The following CDC25B variants were observed in gnomAD, a reference collection of about 807,000 sequenced individuals.
CDC25B encodes the protein cell division cycle 25B, also known as M-phase inducer phosphatase 2.
Under a neutral mutation model 69.8 loss-of-function variants are expected in CDC25B, and 33 were observed. The observed-to-expected ratio is 0.47, with a 90% CI of 0.36 to 0.63. The LOEUF (loss-of-function observed/expected upper bound fraction) is 0.63, where lower values mean the gene tolerates loss of function less well. Among genes scored for constraint, CDC25B ranks in the 30% least tolerant of loss-of-function variants. The probability of loss-of-function intolerance (pLI) is 0.00; values close to 1 mark genes in which losing one functional copy is unlikely to be tolerated. For synonymous variants in CDC25B, 341 were observed against 314.6 expected, an observed-to-expected ratio of 1.08 and a Z score of -0.89; for missense variants, 727 against 809.1, an observed-to-expected ratio of 0.90 and a Z score of 1.23.
At chr20:3,795,647 C>T (rs2089009053), upstream of CDC25B, 1 of 928,486 alleles carries the variant, frequency 1.1e-6, no homozygotes. Context: ...AACATCTAAC[C>T]TGGGGTCCCG....
chr20:3,787,246 C>T, intron 1 of CDC25B: 1 of 528,948 alleles, frequency 1.9e-6, no homozygotes, highest in African/African-American at 2.0e-5. Context: ...GACTGTATAT[C>T]TGGCATCTCC....
At position 3,801,342 on chromosome 20, in the gene CDC25B, C is replaced by T; in HGVS notation, c.794C>T (p.Thr265Ile). 1 of 1,614,052 alleles carries T rather than the reference C, an allele frequency of 6.2e-7. No individual in the cohort carries two copies. The highest frequency in any genetic ancestry group is 8.5e-7 in the Non-Finnish European group (1 of 1,179,962). ...RFSLTPAEGD[T>I]EEDDGFVDIL... ...TCTCTGACCCCTGCAGAGGGGGATA[C>T]TGAGGAAGATGATGGATTTGTGGAC... is the stretch of plus-strand genomic sequence containing the variant. Residue 265 changes from threonine (T) to isoleucine (I), a missense_variant, in exon 8 of 16, where the codon ACT (threonine) becomes ATT (isoleucine). Physicochemically the swap from Thr to Ile is moderately conservative, Grantham distance 89. Coordinates refer to ENST00000245960, the MANE Select transcript of CDC25B (RefSeq NM_021873.4).
upstream of CDC25B, chr20:3,796,000 G>C: frequency 1.0e-6 from 1 of 989,762 alleles, no homozygotes. Flanking sequence ...ACATGCCGCG[G>C]GGGGTCCTGC....
At chr20:3,796,852 G>A in intron 1 of CDC25B, 121 bp downstream of exon 1, 4 of 1,302,126 alleles carry the variant, frequency 3.1e-6, no homozygotes, top group Non-Finnish European at 4.1e-6. Flanking sequence ...GGCATCCTGA[G>A]CAGTGGAGAG....
rs571131873 is a variant in CDC25B at position 3,790,023 on chromosome 20, G to T, written c.8+2884G>T. Among the ~76,000 whole-genome samples, 16 of 151,980 alleles carry T rather than the reference G, an allele frequency of 1.1e-4. No homozygotes were observed. The South Asian group carries it at 2.9e-3, about 28-fold the overall frequency. On this transcript the variant is annotated intron_variant, in intron 1 of 15. Transcript: ENST00000344256. The stretch of plus-strand genomic sequence containing the variant: ...AAAAATTAGCTAGGCATAGTGCCTT[G>T]CGCCTGTAGTCCTAGCTCCTAGGGA...
chr20:3,803,221 TG>T lies in CDC25B; in HGVS notation c.1356+19del. 1 of 1,599,978 alleles carries T rather than the reference TG, an allele frequency of 6.3e-7. No homozygotes were observed. The highest frequency in any genetic ancestry group is 8.6e-7 in the Non-Finnish European group (1 of 1,167,900). ...GGCACATCAAGGTAAGATGGGGCAA[TG>T]GGGAGAGGCCCTGAAGATCCCACCT... On this transcript the variant is annotated intron_variant, in intron 13 of 15. Coordinates refer to ENST00000245960, the MANE Select transcript of CDC25B (RefSeq NM_021873.4). This position sits in a 1 kb window ranked among gnomAD's most constrained non-coding sequence, Gnocchi z 4.9.
At position 3,802,376 on chromosome 20, in the gene CDC25B, G is replaced by C; in HGVS notation, c.1194G>C (p.Lys398Asn). The change falls in exon 11 of 16, where the codon AAG becomes AAC. Residue 398 changes from lysine to asparagine, a missense_variant and splice_region_variant. Transcript: ENST00000245960. The part of the protein sequence containing the change: ...DHRELIGDYS[K>N]AFLLQTVDGK... ...GAGAGCTGATTGGAGATTACTCTAA[G>C]GTACCTGCAGCAGCGAAGGGGGTAC... 1 of 1,603,372 alleles carries C rather than the reference G, an allele frequency of 6.2e-7. No homozygotes were observed. Among genetic ancestry groups the C allele is most frequent in the Non-Finnish European group, 8.5e-7 (1 of 1,177,004 alleles).
upstream of CDC25B, among the ~76,000 whole-genome samples, chr20:3,793,124 C>A (rs73588734): frequency 0.028 from 4,224 of 152,164 alleles, 193 homozygotes; most frequent in African/African-American, 0.096. Context: ...TTTCATGTTT[C>A]TTTTTTACTG....
intron 1 of CDC25B, among the ~76,000 whole-genome samples, chr20:3,789,191 A>T (rs79514612): frequency 0.046 from 6,937 of 152,288 alleles, 223 homozygotes; most frequent in Non-Finnish European, 0.071. Context: ...CTTTTGGTCC[A>T]GCCTGCCCAG....
rs1415929856 is a variant in CDC25B, at chr20:3,805,576, C to T, written c.*615C>T. On this transcript the variant is annotated 3_prime_UTR_variant, in exon 16 of 16. Transcript: ENST00000245960. ...TGCTTGGTCTGTTTGACTTTACGCCCATCTCAGGACACTTCCGTAGACTGT... is the reference window on the plus strand; with the variant it reads ...TGCTTGGTCTGTTTGACTTTACGCCTATCTCAGGACACTTCCGTAGACTGT... 6 of 395,622 alleles carry T rather than the reference C, an allele frequency of 1.5e-5. No homozygotes were observed. The highest frequency in any genetic ancestry group is 2.7e-5 in the Non-Finnish European group (6 of 224,626). The allele number at this position is 395,622 out of a possible 1,614,324, so 24.5% of individuals were successfully genotyped here. A position where few individuals can be genotyped will look rare whatever the true frequency, so the allele number is the denominator to read the frequency against.
In CDC25B at chr20:3,796,542, C is replaced by T. The variant is rs749466511; in HGVS notation, c.11C>T (p.Pro4Leu). The stretch of plus-strand genomic sequence containing the variant: ...GCCGGCCCCGCCGCGATGGAGGTGC[C>T]CCAGCCGGAGCCCGCGCCAGGCTCG... Reference protein sequence around the residue: MEVPQPEPAPGSAL... With the variant: MEVLQPEPAPGSAL... Residue 4 changes from proline to leucine, a missense_variant, in exon 1 of 16, where the codon CCC becomes CTC. This residue lies in a region of CDC25B where 368 missense variants were observed against 345.6 expected (regional missense o/e 1.06). Transcript: ENST00000245960. 11 of 1,484,948 alleles carry T rather than the reference C, an allele frequency of 7.4e-6. No homozygotes were observed. The South Asian group carries it at 1.3e-4, about 17-fold the overall frequency. The allele number at this position is 1,484,948 out of a possible 1,614,324, so 92.0% of individuals were successfully genotyped here.
intron 3 of CDC25B, 88 bp downstream of exon 3, chr20:3,798,551 T>C: frequency 9.1e-7 from 1 of 1,103,506 alleles, no homozygotes; most frequent in Non-Finnish European, 1.3e-6. Flanking sequence ...CCGGGAGGCC[T>C]GGGAAAGCAG....
rs993652242 is a variant in CDC25B at position 3,805,982 on chromosome 20, C to T, written c.*1021C>T. ...TGGAGCTATTCAAGAGGAAATGTCA[C>T]AGAAGCAGCTAAACCAAGGACTGAG... On this transcript the variant is annotated 3_prime_UTR_variant, in exon 16 of 16. Coordinates refer to ENST00000245960, the MANE Select transcript of CDC25B (RefSeq NM_021873.4). The T allele has an allele frequency of 1.7e-5, 7 of 400,102 alleles. No individual in the cohort carries two copies. In the East Asian group the frequency reaches 1.8e-4, roughly 10 times the overall value. The allele number at this position is 400,102 out of a possible 1,614,324, so 24.8% of individuals were successfully genotyped here. A position where few individuals can be genotyped will look rare whatever the true frequency, so the allele number is the denominator to read the frequency against.
rs1334503900 is a variant in CDC25B at position 3,805,151 on chromosome 20, G to GC, written c.*196dup. On this transcript the variant is annotated 3_prime_UTR_variant, in exon 16 of 16. Transcript: ENST00000245960. ...ATCCCATCATTTTCCATATCCTGGT[G>GC]CCCCCCACCCCTGGAAGAGCCCAGT... The GC allele has an allele frequency of 6.4e-6, 4 of 621,324 alleles. No homozygotes were observed. The highest frequency in any genetic ancestry group is 5.5e-5 in the African/African-American group (3 of 54,248). 38.5% of individuals were successfully genotyped at this position (621,324 alleles called of 1,614,324 possible).
At chr20:3,800,670 A>T in intron 5 of CDC25B, 73 bp from the exon 6 acceptor site, 1 of 1,598,212 alleles carries the variant, frequency 6.3e-7, no homozygotes, top group Non-Finnish European at 8.5e-7. Flanking sequence ...GAGGTGGAGA[A>T]GGTAGGGCCT....
In CDC25B at chr20:3,798,325, T is replaced by G. The variant is rs1046432159; in HGVS notation, c.329-87T>G. ...TCCAAACTAGAAACTGTTTTTTTTT[T>G]TTTTTTTTTTTTCATATTGGGACAT... On this transcript the variant is annotated intron_variant, in intron 2 of 15. Transcript: ENST00000245960. 44 of 684,408 alleles carry G rather than the reference T, an allele frequency of 6.4e-5. 1 individual carries two copies. Among genetic ancestry groups the G allele is most frequent in the Admixed American group, 4.5e-4 (12 of 26,734 alleles). 42.4% of individuals were successfully genotyped at this position (684,408 alleles called of 1,614,324 possible).
chr20:3,796,280 T>C (rs1429797015), upstream of CDC25B: 4 of 1,348,910 alleles, frequency 3.0e-6, no homozygotes, highest in Non-Finnish European at 3.8e-6. Flanking sequence ...TTTTCGAATA[T>C]ATAAGGAGGT....
Position 3,801,284 on chromosome 20 carries a change from G to A in CDC25B, c.736G>A (p.Glu246Lys). The stretch of plus-strand genomic sequence containing the variant: ...CAGTCCTGACCGGAAGATGGAAGTG[G>A]AGGAGCTCAGCCCCCTGGCCCTAGG... ...CLSPDRKMEV[E>K]ELSPLALGRF... Residue 246 changes from glutamate to lysine, a missense_variant, in exon 8 of 16, where the codon GAG becomes AAG. Transcript: ENST00000245960. 6.2e-7 allele frequency: 1 copy of A among 1,614,060 alleles called. No homozygotes were observed. The highest frequency in any genetic ancestry group is 8.5e-7 in the Non-Finnish European group (1 of 1,180,002).
chr20:3,800,726 CCTGCCTGGCT>C lies in CDC25B; in HGVS notation c.460-14_460-5del. ...CAGCCTTCATTCCTCTGCCTGCCGC[CCTGCCTGGCT>C]CTCTAGGTGAGGCTGCTGGGCCACA... On this transcript the variant is annotated splice_polypyrimidine_tract_variant and splice_region_variant and intron_variant, in intron 5 of 15. Coordinates refer to ENST00000245960, the MANE Select transcript of CDC25B (RefSeq NM_021873.4). The C allele has an allele frequency of 1.4e-6, 2 of 1,403,380 alleles. No homozygotes were observed. The highest frequency in any genetic ancestry group is 2.0e-6 in the Non-Finnish European group (2 of 1,001,628). 86.9% of individuals were successfully genotyped at this position (1,403,380 alleles called of 1,614,324 possible). A position where few individuals can be genotyped will look rare whatever the true frequency, so the allele number is the denominator to read the frequency against.
Sources: gnomAD v4.1 joint callset for allele counts (sites outside exome capture counted in the v4.1 genomes callset) on GRCh38, gnomAD v4.1.1 for gene constraint, gnomAD v4.1.1 regional missense constraint, Gnocchi (gnomAD v3.1) non-coding constraint, MANE v1.5 for transcripts, NCBI Gene and HGNC (gene_info 2026-07-23, HGNC 2026-07-21) for gene names.